CNTN5: variants seen among roughly 807,000 people sequenced by gnomAD.
CNTN5 encodes contactin 5, also known as contactin-5.
In CNTN5, 77 loss-of-function variants were observed where a neutral mutation model predicts 129.1. The observed-to-expected ratio is 0.60, with a 90% CI of 0.50 to 0.72. The LOEUF is 0.72. Among genes scored for constraint, CNTN5 ranks in the 30% least tolerant of loss-of-function variants. The pLI is 0.00. For synonymous variants in CNTN5, 509 were observed against 465.6 expected (o/e 1.09, Z -1.20); for missense variants, 1,478 against 1,328.8 (o/e 1.11, Z -1.75).
At chr11:99,826,277 T>G (rs569299990) in intron 4 of CNTN5, among the ~76,000 whole-genome samples, 2 of 152,328 alleles carry the variant, frequency 1.3e-5, no homozygotes, top group East Asian at 3.9e-4. Context: ...AATGACATTT[T>G]GAGGCATTAC....
chr11:99,744,735 A>G (rs1210979109), intron 3 of CNTN5, among the ~76,000 whole-genome samples: 2 of 150,780 alleles, frequency 1.3e-5, no homozygotes, highest in East Asian at 3.9e-4. Context: ...AAAAAAAAAA[A>G]AAAAGTTGGA....
intron 2 of CNTN5, among the ~76,000 whole-genome samples, chr11:99,481,768 T>C (rs1366271696): frequency 6.6e-6 from 1 of 152,196 alleles, no homozygotes; most frequent in Non-Finnish European, 1.5e-5. Flanking sequence ...ACTTATCTTT[T>C]TAATTCCTCC....
chr11:100,152,747 AT>A (rs1364024226), intron 13 of CNTN5, among the ~76,000 whole-genome samples: 6 of 152,154 alleles, frequency 3.9e-5, no homozygotes, highest in African/African-American at 1.4e-4. Flanking sequence ...CTCATTATTA[AT>A]GATTCTTTAA....
At chr11:99,529,860 T>A (rs1017451428) in intron 2 of CNTN5, among the ~76,000 whole-genome samples, 5 of 151,650 alleles carry the variant, frequency 3.3e-5, no homozygotes, top group African/African-American at 7.3e-5. Flanking sequence ...AATATGAGAA[T>A]GAAAAACCAG....
At chr11:99,264,883 G>A (rs1231326938) in intron 1 of CNTN5, among the ~76,000 whole-genome samples, 3 of 151,870 alleles carry the variant, frequency 2.0e-5, no homozygotes, top group African/African-American at 4.8e-5. Context: ...AACATGACAG[G>A]ATAGGTAATA....
At chr11:99,540,211 A>G (rs141791741) in intron 2 of CNTN5, among the ~76,000 whole-genome samples, 83 of 152,310 alleles carry the variant, frequency 5.4e-4, no homozygotes, top group African/African-American at 1.8e-3. Flanking sequence ...GCACAGATAA[A>G]GGCCTAAGAA....
intron 6 of CNTN5, among the ~76,000 whole-genome samples, chr11:99,902,619 C>G (rs1420235935): frequency 6.6e-6 from 1 of 152,092 alleles, no homozygotes; most frequent in Non-Finnish European, 1.5e-5. Flanking sequence ...GTACATTGGG[C>G]TGATGCTTCA....
At chr11:100,335,692 C>G (rs1249115441) in intron 21 of CNTN5, among the ~76,000 whole-genome samples, 7 of 151,676 alleles carry the variant, frequency 4.6e-5, no homozygotes, top group Non-Finnish European at 7.4e-5. Flanking sequence ...CGCTTGAACC[C>G]AGGAGCTGGA....
chr11:99,554,724 C>A (rs970346201), intron 2 of CNTN5, among the ~76,000 whole-genome samples: 1 of 152,042 alleles, frequency 6.6e-6, no homozygotes, highest in Non-Finnish European at 1.5e-5. Context: ...CTCAACTGTG[C>A]AGTTCTCATG....
In CNTN5 at chr11:99,723,823, G is replaced by A. The variant is rs564285568; in HGVS notation, c.56-95721G>A. The stretch of plus-strand genomic sequence containing the variant: ...GTGTTTTGTTTAAATAATGTTATGG[G>A]ATAGATCTTATAATCTTCCTTTTAC... On this transcript the variant is annotated intron_variant, in intron 3 of 24. Coordinates refer to ENST00000524871, the MANE Select transcript of CNTN5 (RefSeq NM_014361.4). Among the ~76,000 whole-genome samples, 12 of 152,132 alleles carry A rather than the reference G, an allele frequency of 7.9e-5. No individual in the cohort carries two copies. In the South Asian group the frequency reaches 1.2e-3, roughly 16 times the overall value.
Position 99,262,571 on chromosome 11 carries a change from T to A in CNTN5, c.-209-62775T>A, listed in dbSNP as rs11219120. Among the ~76,000 whole-genome samples, 130 of 151,770 alleles carry A rather than the reference T, an allele frequency of 8.6e-4. 3 individuals carry two copies. In the East Asian group the frequency reaches 0.023, roughly 26 times the overall value. ...TCCTTGTCTTCTGAGCCAAAAAACA[T>A]GTATTGCTTATCATAGACTTCTTTG... On this transcript the variant is annotated intron_variant, in intron 1 of 24. Coordinates refer to ENST00000524871, the MANE Select transcript of CNTN5 (RefSeq NM_014361.4).
At chr11:99,961,979 GAT>G in intron 8 of CNTN5, among the ~76,000 whole-genome samples, 1 of 145,334 alleles carries the variant, frequency 6.9e-6, no homozygotes, top group African/African-American at 2.7e-5. Flanking sequence ...CATATAGATA[GAT>G]ATAGTTATAT....
At chr11:99,158,802 T>C (rs1217778228) in intron 1 of CNTN5, among the ~76,000 whole-genome samples, 2 of 152,122 alleles carry the variant, frequency 1.3e-5, no homozygotes, top group African/African-American at 2.4e-5. Flanking sequence ...TTAATAATTA[T>C]ATCAAAGAAG....
intron 9 of CNTN5, among the ~76,000 whole-genome samples, chr11:100,019,061 A>T (rs116720167): frequency 0.03 from 4,551 of 152,002 alleles, 96 homozygotes; most frequent in African/African-American, 0.069. Flanking sequence ...TTTATCATAT[A>T]TGTGATTCGC....
At chr11:100,158,851 G>A (rs1947344267) in intron 13 of CNTN5, among the ~76,000 whole-genome samples, 1 of 151,708 alleles carries the variant, frequency 6.6e-6, no homozygotes, top group East Asian at 1.9e-4. Flanking sequence ...CTAATCTGTT[G>A]TACATGTGCA....
chr11:99,703,437 A>C (rs918702299), intron 3 of CNTN5, among the ~76,000 whole-genome samples: 1 of 150,582 alleles, frequency 6.6e-6, no homozygotes, highest in East Asian at 1.9e-4. Context: ...GTTTCTATGA[A>C]TAGTAGTAAT....
intron 1 of CNTN5, among the ~76,000 whole-genome samples, chr11:99,239,433 CATA>C (rs759207273): frequency 4.6e-5 from 7 of 152,138 alleles, no homozygotes; most frequent in Non-Finnish European, 1.0e-4. Flanking sequence ...TTGATAGAGT[CATA>C]ATGTCTCCCA....
At chr11:99,146,934 C>T (rs190013502) in intron 1 of CNTN5, among the ~76,000 whole-genome samples, 17 of 152,194 alleles carry the variant, frequency 1.1e-4, no homozygotes, top group Admixed American at 5.9e-4. Context: ...GTTTCCCATG[C>T]TGGTCCTGAA....
chr11:100,033,432 A>C (rs1180393206), intron 9 of CNTN5, among the ~76,000 whole-genome samples: 1 of 151,916 alleles, frequency 6.6e-6, no homozygotes, highest in Admixed American at 6.6e-5. Flanking sequence ...CTTTACAAGT[A>C]TCTCACTGTT....
Sources: gnomAD v4.1 joint callset for allele counts (sites outside exome capture counted in the v4.1 genomes callset) on GRCh38, gnomAD v4.1.1 for gene constraint, MANE v1.5 for transcripts, NCBI Gene and HGNC (gene_info 2026-07-23, HGNC 2026-07-21) for gene names.